The following IQCJ variants were observed in gnomAD, a reference collection of about 807,000 sequenced individuals.
IQCJ encodes the protein IQ domain-containing protein J.
IQCJ carries 9 observed loss-of-function variants against 11.0 expected under a neutral mutation model. The observed-to-expected ratio is 0.82, with a 90% CI of 0.49 to 1.43. IQCJ has a LOEUF of 1.43. Ranked by LOEUF, IQCJ falls within the 40% of genes most tolerant of loss-of-function variation. The pLI is 0.00. For synonymous variants in IQCJ, 55 were observed against 51.3 expected (o/e 1.07, Z -0.31); for missense variants, 146 against 133.2 (o/e 1.10, Z -0.47).
intron 1 of IQCJ, among the ~76,000 whole-genome samples, chr3:159,243,982 A>G (rs981788668): frequency 1.3e-5 from 2 of 152,238 alleles, no homozygotes; most frequent in Admixed American, 1.3e-4. Context: ...AGAAATGAGT[A>G]AAGTCTGGTT....
intron 1 of IQCJ, among the ~76,000 whole-genome samples, chr3:159,241,609 C>A (rs1298811954): frequency 6.6e-6 from 1 of 152,092 alleles, no homozygotes; most frequent in African/African-American, 2.4e-5. Context: ...GTCACAGATG[C>A]AAATACTTCT....
At chr3:159,227,682 G>A (rs555070245) in intron 1 of IQCJ, among the ~76,000 whole-genome samples, 6 of 152,268 alleles carry the variant, frequency 3.9e-5, no homozygotes, top group African/African-American at 1.4e-4. Flanking sequence ...ATTCTGGCGG[G>A]AACATTCCTC....
intron 1 of IQCJ, among the ~76,000 whole-genome samples, chr3:159,153,170 A>T (rs1332641796): frequency 2.0e-5 from 3 of 152,222 alleles, no homozygotes; most frequent in Non-Finnish European, 2.9e-5. Flanking sequence ...CGGAATTATA[A>T]AAATTATGTA....
intron 3 of IQCJ, among the ~76,000 whole-genome samples, chr3:159,261,239 G>A (rs1455971980): frequency 1.3e-5 from 2 of 152,294 alleles, no homozygotes; most frequent in African/African-American, 4.8e-5. Context: ...GATAGTGATA[G>A]AATTAATACA....
At position 159,263,064 on chromosome 3, in the gene IQCJ, A is replaced by G. The variant is rs1728310126; in HGVS notation, c.*333A>G. 2.0e-6 allele frequency: 2 copies of G among 1,002,688 alleles called. No homozygotes were observed. Among genetic ancestry groups the G allele is most frequent in the Non-Finnish European group, 2.4e-6 (2 of 840,386 alleles). 62.1% of individuals were successfully genotyped at this position (1,002,688 alleles called of 1,614,324 possible). A position where few individuals can be genotyped will look rare whatever the true frequency, so the allele number is the denominator to read the frequency against. On this transcript the variant is annotated 3_prime_UTR_variant, in exon 4 of 4. Coordinates refer to ENST00000397832, the MANE Select transcript of IQCJ (RefSeq NM_001042706.3). ...ATTGGTTATAAGGAGTAGAAAGAGA[A>G]CTTTTACCAGAAGAATTGAAAGTGG...
At chr3:159,195,585 G>GTT (rs1723938298) in intron 1 of IQCJ, among the ~76,000 whole-genome samples, 1 of 152,154 alleles carries the variant, frequency 6.6e-6, no homozygotes, top group Admixed American at 6.5e-5. Flanking sequence ...TTCCCAAACA[G>GTT]TACCTTACTC....
chr3:159,111,100 C>T (rs1056878219), intron 1 of IQCJ, among the ~76,000 whole-genome samples: 14 of 152,304 alleles, frequency 9.2e-5, no homozygotes, highest in Non-Finnish European at 1.9e-4. Context: ...GATGCTCCCA[C>T]GTTTTATGTA....
chr3:159,238,789 C>T (rs895061844), intron 1 of IQCJ, among the ~76,000 whole-genome samples: 2 of 151,974 alleles, frequency 1.3e-5, no homozygotes, highest in South Asian at 2.1e-4. Flanking sequence ...CCAGTGGGCA[C>T]GTGAGTTCTG....
intron 1 of IQCJ, among the ~76,000 whole-genome samples, chr3:159,186,571 C>T (rs933727368): frequency 6.6e-6 from 1 of 152,104 alleles, no homozygotes; most frequent in Non-Finnish European, 1.5e-5. Context: ...GGTCAATCAC[C>T]CCACATGCTC....
intron 1 of IQCJ, among the ~76,000 whole-genome samples, chr3:159,234,772 C>T (rs1197094466): frequency 2.0e-5 from 3 of 152,104 alleles, no homozygotes; most frequent in South Asian, 2.1e-4. Context: ...GGAGATAGAT[C>T]GGTATGAAGG....
chr3:159,159,562 A>G (rs1265589208), intron 1 of IQCJ, among the ~76,000 whole-genome samples: 1 of 152,184 alleles, frequency 6.6e-6, no homozygotes, highest in East Asian at 1.9e-4. Context: ...TATTTTAATA[A>G]CTATATTCCA....
intron 1 of IQCJ, among the ~76,000 whole-genome samples, chr3:159,144,914 C>T (rs1720838008): frequency 6.6e-6 from 1 of 152,152 alleles, no homozygotes; most frequent in Non-Finnish European, 1.5e-5. Context: ...ATTGTTTCCA[C>T]CTTTTCTTCT....
Position 159,079,158 on chromosome 3 carries a change from A to G in IQCJ, c.9+9717A>G, listed in dbSNP as rs571514734. On this transcript the variant is annotated intron_variant, in intron 1 of 3. Transcript: ENST00000397832. ...AAGAACCAACTAAGCATGGGCAGGA[A>G]AGCTACTTTAAACTTCCCTGCATGT... 3.9e-5 allele frequency among the ~76,000 whole-genome samples: 6 copies of G among 152,222 alleles called. No individual in the cohort carries two copies. The East Asian group carries it at 1.2e-3, about 29-fold the overall frequency.
At chr3:159,150,695 G>C (rs1721164324) in intron 1 of IQCJ, among the ~76,000 whole-genome samples, 1 of 152,050 alleles carries the variant, frequency 6.6e-6, no homozygotes, top group African/African-American at 2.4e-5. Flanking sequence ...TCCTAATGTA[G>C]TACTCAGCAC....
chr3:159,141,281 G>A (rs1441404852), intron 1 of IQCJ, among the ~76,000 whole-genome samples: 2 of 152,186 alleles, frequency 1.3e-5, no homozygotes, highest in Non-Finnish European at 2.9e-5. Flanking sequence ...GAAATCTTGA[G>A]GTCCAGGGAG....
chr3:159,181,404 T>A (rs543657727), intron 1 of IQCJ, among the ~76,000 whole-genome samples: 1,552 of 144,940 alleles, frequency 0.011, 36 homozygotes, highest in African/African-American at 0.038. Context: ...GGTTTTAACT[T>A]GTTAAAACCA....
At chr3:159,073,245 T>A (rs1429993738) in intron 1 of IQCJ, among the ~76,000 whole-genome samples, 1 of 152,092 alleles carries the variant, frequency 6.6e-6, no homozygotes, top group Non-Finnish European at 1.5e-5. Context: ...TTGAGGAAGA[T>A]CCTGAAAGTC....
rs375080915 is a variant in IQCJ at position 159,262,580 on chromosome 3, G to A, written c.188G>A (p.Arg63Gln). The A allele has an allele frequency of 7.7e-5, 125 of 1,613,684 alleles. No individual in the cohort carries two copies. The East Asian group carries it at 2.1e-3, about 28-fold the overall frequency. Residue 63 changes from arginine to glutamine, a missense_variant, in exon 4 of 4, where the codon CGG becomes CAG. Physicochemically the swap from Arg to Gln is conservative, Grantham distance 43. Coordinates refer to ENST00000397832, the MANE Select transcript of IQCJ (RefSeq NM_001042706.3). ...IQRAWREYLQRQEPLGKRSPS... is the reference protein window; with the variant it reads ...IQRAWREYLQQQEPLGKRSPS... ...CGAGCATGGCGAGAGTACCTGCAGC[G>A]GCAGGAGCCCCTGGGGAAGAGGAGC... is the stretch of plus-strand genomic sequence containing the variant.
intron 1 of IQCJ, among the ~76,000 whole-genome samples, chr3:159,199,387 C>G (rs534021926): frequency 1.3e-5 from 2 of 152,174 alleles, no homozygotes; most frequent in South Asian, 4.1e-4. Context: ...TAGGCAGCCA[C>G]TATGCACTGG....
Sources: allele counts gnomAD v4.1 joint callset (sites outside exome capture counted in the v4.1 genomes callset), GRCh38; gene constraint gnomAD v4.1.1; transcripts MANE v1.5; gene names NCBI Gene and HGNC (gene_info 2026-07-23, HGNC 2026-07-21).